The following USP13 variants were observed in gnomAD, a reference collection of about 807,000 sequenced individuals.
The protein encoded by USP13 is ubiquitin carboxyl-terminal hydrolase 13.
In USP13, 68 loss-of-function variants were observed where a neutral mutation model predicts 107.8. That is an observed-to-expected ratio of 0.63 (90% CI 0.52 to 0.77). The LOEUF (loss-of-function observed/expected upper bound fraction) is 0.77. USP13 is among the 30% of genes least tolerant of loss of function. USP13 has a pLI of 0.00. For synonymous variants in USP13, 377 were observed against 389.5 expected (o/e 0.97, Z 0.38); for missense variants, 945 against 1,093.3 (o/e 0.86, Z 1.91).
rs761723223 is a variant in USP13, at chr3:179,708,871, G to A, written c.719G>A (p.Gly240Glu). Residue 240 changes from glycine (G) to glutamate (E), a missense_variant, in exon 6 of 21, where the codon GGG (glycine) becomes GAG (glutamate). Physicochemically the swap from Gly to Glu is moderately conservative, Grantham distance 98 (BLOSUM62 -2). Transcript: ENST00000263966. ...GGAAAGTGGTTCTTTGACAGCTCTG[G>A]GGGCAACGGGCATGCGCTGGAGCAT... ...LCGKWFFDSSGGNGHALEHYR... is the reference protein window; with the variant it reads ...LCGKWFFDSSEGNGHALEHYR... 3.1e-6 allele frequency: 5 copies of A among 1,613,984 alleles called. No homozygotes were observed. In the African/African-American group the frequency reaches 5.3e-5, roughly 17 times the overall value.
intron 1 of USP13, among the ~76,000 whole-genome samples, chr3:179,664,234 G>A (rs1720526793): frequency 6.6e-6 from 1 of 151,444 alleles, no homozygotes; most frequent in Non-Finnish European, 1.5e-5. Flanking sequence ...TGGGATTACA[G>A]GTGTGTACCA....
intron 2 of USP13, among the ~76,000 whole-genome samples, chr3:179,689,810 A>T (rs1712044097): frequency 6.6e-6 from 1 of 152,222 alleles, no homozygotes; most frequent in Admixed American, 6.5e-5. Context: ...GCCTTTCAAC[A>T]GTAGTTGTTA....
At chr3:179,674,654 C>T (rs1039791977) in intron 1 of USP13, among the ~76,000 whole-genome samples, 2 of 151,680 alleles carry the variant, frequency 1.3e-5, no homozygotes, top group African/African-American at 4.9e-5. Flanking sequence ...GGGCCTGTAC[C>T]CAGAGGGGAA....
At chr3:179,731,776 A>T (rs1713813558) in intron 10 of USP13, among the ~76,000 whole-genome samples, 3 of 152,128 alleles carry the variant, frequency 2.0e-5, no homozygotes, top group Non-Finnish European at 4.4e-5. Flanking sequence ...AGATGCCCTG[A>T]GTGGAACGCG....
chr3:179,688,984 A>T (rs1711995631), intron 2 of USP13, among the ~76,000 whole-genome samples: 1 of 152,220 alleles, frequency 6.6e-6, no homozygotes, highest in Non-Finnish European at 1.5e-5. Flanking sequence ...GTGAACTGTA[A>T]ACCTGTAGTA....
At chr3:179,757,225 C>A in intron 16 of USP13, 147 bp downstream of exon 16, 1 of 819,910 alleles carries the variant, frequency 1.2e-6, no homozygotes, top group Non-Finnish European at 2.0e-6. Context: ...GTCTGCTAGT[C>A]AGTGACATGC....
intron 17 of USP13, among the ~76,000 whole-genome samples, chr3:179,763,320 G>A (rs982215597): frequency 6.6e-6 from 1 of 151,968 alleles, no homozygotes; most frequent in Non-Finnish European, 1.5e-5. Context: ...TTACTCCTGT[G>A]TTTTCTTCTA....
chr3:179,770,017 A>G (rs1165341845), intron 19 of USP13, among the ~76,000 whole-genome samples: 1 of 152,156 alleles, frequency 6.6e-6, no homozygotes, highest in Non-Finnish European at 1.5e-5. Flanking sequence ...CACACTGGTG[A>G]CTTTCCGGTT....
At chr3:179,778,649 C>T (rs534237257) in intron 19 of USP13, among the ~76,000 whole-genome samples, 4 of 152,104 alleles carry the variant, frequency 2.6e-5, no homozygotes. Context: ...GCCTGTAGTC[C>T]CAGCTACTTG....
intron 13 of USP13, among the ~76,000 whole-genome samples, chr3:179,746,177 CTA>C (rs147145177): frequency 3.5e-5 from 5 of 141,242 alleles, no homozygotes; most frequent in Non-Finnish European, 6.1e-5. Flanking sequence ...GCAGTTCAAC[CTA>C]TATATATATA....
intron 16 of USP13, 53 bp from the exon 17 acceptor site, chr3:179,761,054 TAAGAC>T: frequency 1.2e-6 from 2 of 1,606,598 alleles, no homozygotes; most frequent in Non-Finnish European, 1.7e-6. Context: ...GGAGAGTAGC[TAAGAC>T]AAGAAGCGAC....
At position 179,721,370 on chromosome 3, in the gene USP13, A is replaced by G; in HGVS notation, c.901-32A>G. 7 of 1,602,286 alleles carry G rather than the reference A, an allele frequency of 4.4e-6. No homozygotes were observed. Among genetic ancestry groups the G allele is most frequent in the Non-Finnish European group, 6.0e-6 (7 of 1,172,632 alleles). The stretch of plus-strand genomic sequence containing the variant: ...TGACCTTTGAATGGGAATCACATTT[A>G]AAGTTGTTTTTCTTCGATGACTTTG... On this transcript the variant is annotated intron_variant, in intron 7 of 20. Coordinates refer to ENST00000263966, the MANE Select transcript of USP13 (RefSeq NM_003940.3). This position sits in a 1 kb window ranked among gnomAD's most constrained non-coding sequence, Gnocchi z 4.3.
intron 3 of USP13, among the ~76,000 whole-genome samples, chr3:179,697,531 G>A (rs570712737): frequency 6.6e-6 from 1 of 152,256 alleles, no homozygotes; most frequent in East Asian, 1.9e-4. Context: ...GATCATCAAA[G>A]CAGAGTTTAT....
chr3:179,748,139 C>T (rs1255991877), intron 13 of USP13, among the ~76,000 whole-genome samples: 2 of 152,090 alleles, frequency 1.3e-5, no homozygotes, highest in African/African-American at 4.8e-5. Context: ...GAGGTAGGTC[C>T]CATTATTTTC....
At chr3:179,779,707 G>A (rs758022097) in intron 19 of USP13, among the ~76,000 whole-genome samples, 15 of 139,280 alleles carry the variant, frequency 1.1e-4, no homozygotes, top group East Asian at 2.1e-4. Flanking sequence ...AGCCTTTGAC[G>A]CAAGGGTTTG....
At chr3:179,684,278 C>CACACACACACACAG (rs1711782213) in intron 2 of USP13, among the ~76,000 whole-genome samples, 1 of 136,712 alleles carries the variant, frequency 7.3e-6, no homozygotes, top group African/African-American at 2.8e-5. Context: ...TTTACACACA[C>CACACACACACACAG]ACACACACAC....
intron 8 of USP13, among the ~76,000 whole-genome samples, chr3:179,726,005 G>A (rs753788203): frequency 4.1e-4 from 62 of 152,290 alleles, no homozygotes; most frequent in Non-Finnish European, 6.9e-4. Flanking sequence ...TGAGATTTGG[G>A]TGGGGACACA....
At chr3:179,706,816 C>G in intron 4 of USP13, 118 bp from the exon 5 acceptor site, 1 of 1,230,446 alleles carries the variant, frequency 8.1e-7, no homozygotes, top group Non-Finnish European at 1.1e-6. Context: ...CTTGCGACAA[C>G]TACGCTGTTT....
chr3:179,745,232 A>G lies in USP13; in HGVS notation c.1709+15A>G, dbSNP rs1714358191. The G allele has an allele frequency of 1.5e-6, 2 of 1,304,794 alleles. No homozygotes were observed. The highest frequency in any genetic ancestry group is 2.1e-6 in the Non-Finnish European group (2 of 964,246). The allele number at this position is 1,304,794 out of a possible 1,614,324, so 80.8% of individuals were successfully genotyped here. A position where few individuals can be genotyped will look rare whatever the true frequency, so the allele number is the denominator to read the frequency against. On this transcript the variant is annotated intron_variant, in intron 13 of 20. Transcript: ENST00000263966. ...GCGGGTGTGAAGTAAGTGTGTGTAT[A>G]TGTGGTGGCAGTGGGGTGAGGAGGG...
Sources: gnomAD v4.1 joint callset for allele counts (sites outside exome capture counted in the v4.1 genomes callset) on GRCh38, gnomAD v4.1.1 for gene constraint, Gnocchi (gnomAD v3.1) non-coding constraint, MANE v1.5 for transcripts, NCBI Gene and HGNC (gene_info 2026-07-23, HGNC 2026-07-21) for gene names.